Variants in SLCO1B1 observed in about 807,000 individuals in gnomAD.
SLCO1B1 encodes the protein OATP-2.
Under a neutral mutation model 70.1 loss-of-function variants are expected in SLCO1B1, and 81 were observed. The observed-to-expected ratio is 1.16, with a 90% CI of 0.97 to 1.39. SLCO1B1 has a LOEUF of 1.39. Ranked by LOEUF, SLCO1B1 falls within the 40% of genes most tolerant of loss-of-function variation. SLCO1B1 has a pLI of 0.00. For missense variants in SLCO1B1, 895 were observed against 799.6 expected (o/e 1.12, Z -1.44); for synonymous variants, 283 against 271.5 (o/e 1.04, Z -0.42).
intron 4 of SLCO1B1, 26 bp downstream of exon 4, chr12:21,174,735 T>C: frequency 7.3e-7 from 1 of 1,370,270 alleles, no homozygotes; most frequent in Non-Finnish European, 1.0e-6. Flanking sequence ...AAAAAAAACC[T>C]CTGTGCCACT....
At chr12:21,227,889 T>A (rs899461029) in intron 14 of SLCO1B1, among the ~76,000 whole-genome samples, 1 of 152,146 alleles carries the variant, frequency 6.6e-6, no homozygotes, top group Non-Finnish European at 1.5e-5. Context: ...ATATTTTATG[T>A]TAATTGATTT....
chr12:21,141,897 T>C (rs549684623), intron 2 of SLCO1B1, among the ~76,000 whole-genome samples: 1 of 151,974 alleles, frequency 6.6e-6, no homozygotes, highest in Admixed American at 6.6e-5. Flanking sequence ...AATTTAGAAA[T>C]ATTTTGATAG....
chr12:21,133,331 A>C (rs951978753), intron 1 of SLCO1B1, among the ~76,000 whole-genome samples: 2 of 152,108 alleles, frequency 1.3e-5, no homozygotes, highest in African/African-American at 4.8e-5. Flanking sequence ...TTTTGGTTCC[A>C]TATGAACTTT....
At chr12:21,219,978 C>G (rs1941403846) in intron 12 of SLCO1B1, among the ~76,000 whole-genome samples, 1 of 152,134 alleles carries the variant, frequency 6.6e-6, no homozygotes, top group Non-Finnish European at 1.5e-5. Context: ...CCAGGCTGGT[C>G]TCAAACTCCT....
intron 4 of SLCO1B1, among the ~76,000 whole-genome samples, chr12:21,175,605 C>T (rs1476203281): frequency 6.6e-6 from 1 of 152,030 alleles, no homozygotes; most frequent in Non-Finnish European, 1.5e-5. Flanking sequence ...ATTTGCTCAC[C>T]ATATTAAATC....
chr12:21,228,593 C>T (rs1432091808), intron 14 of SLCO1B1, among the ~76,000 whole-genome samples: 4 of 151,852 alleles, frequency 2.6e-5, no homozygotes, highest in African/African-American at 9.7e-5. Context: ...CCACAAATAT[C>T]CTAAAAAATA....
intron 14 of SLCO1B1, among the ~76,000 whole-genome samples, chr12:21,236,685 C>T (rs754339758): frequency 7.2e-5 from 11 of 152,122 alleles, no homozygotes; most frequent in African/African-American, 1.9e-4. Context: ...AGGCTTTTAC[C>T]GCTTTTCTTT....
At chr12:21,160,757 A>G (rs1235896916) in intron 2 of SLCO1B1, among the ~76,000 whole-genome samples, 2 of 152,098 alleles carry the variant, frequency 1.3e-5, no homozygotes, top group Non-Finnish European at 2.9e-5. Context: ...ATATTTACAA[A>G]TATGCATCTA....
At chr12:21,152,533 C>CTGTTTTTTTTTTTTTT (rs1940484981) in intron 2 of SLCO1B1, among the ~76,000 whole-genome samples, 1 of 34,356 alleles carries the variant, frequency 2.9e-5, no homozygotes, top group South Asian at 1.9e-3. Context: ...AGAGGAGAGG[C>CTGTTTTTTTTTTTTTT]TTTTTTTTTT....
chr12:21,194,563 G>T (rs1347946739), intron 7 of SLCO1B1, among the ~76,000 whole-genome samples: 4 of 151,938 alleles, frequency 2.6e-5, no homozygotes, highest in African/African-American at 9.7e-5. Context: ...TCTGCATTTT[G>T]GTCATAATCA....
At chr12:21,230,908 G>T (rs1469141780) in intron 14 of SLCO1B1, among the ~76,000 whole-genome samples, 1 of 151,760 alleles carries the variant, frequency 6.6e-6, no homozygotes, top group South Asian at 2.1e-4. Flanking sequence ...GTGCCATGTT[G>T]GTGTACTGCA....
rs1302993033 is a variant in SLCO1B1 at position 21,206,051 on chromosome 12, C to T, written c.1497+18C>T. 1 of 1,597,722 alleles carries T rather than the reference C, an allele frequency of 6.3e-7. No individual in the cohort carries two copies. The highest frequency in any genetic ancestry group is 2.2e-5 in the East Asian group (1 of 44,690). On this transcript the variant is annotated intron_variant, in intron 11 of 14. Coordinates refer to ENST00000256958, the MANE Select transcript of SLCO1B1 (RefSeq NM_006446.5). Reference sequence around the variant, plus strand: ...AGCCTATAGTGAGTATTAGTTTTTACTTTCCTCTCCTTATTCAAAAGCACA... The same window carrying T: ...AGCCTATAGTGAGTATTAGTTTTTATTTTCCTCTCCTTATTCAAAAGCACA...
At chr12:21,164,713 C>T in intron 2 of SLCO1B1, 1 of 434,620 alleles carries the variant, frequency 2.3e-6, no homozygotes, top group South Asian at 1.7e-5. Flanking sequence ...TCATGTGCTT[C>T]CTATTTTGTT....
At chr12:21,141,907 G>A (rs1478749796) in intron 2 of SLCO1B1, among the ~76,000 whole-genome samples, 1 of 151,580 alleles carries the variant, frequency 6.6e-6, no homozygotes. Flanking sequence ...TATTTTGATA[G>A]CTTCTCTTTG....
At chr12:21,179,051 A>C in intron 7 of SLCO1B1, 31 bp downstream of exon 7, 1 of 1,395,354 alleles carries the variant, frequency 7.2e-7, no homozygotes, top group Non-Finnish European at 1.0e-6. Flanking sequence ...GTACCATGAT[A>C]ACGTCTTTCT....
At chr12:21,179,060 C>A in intron 7 of SLCO1B1, 40 bp downstream of exon 7, 1 of 1,246,636 alleles carries the variant, frequency 8.0e-7, no homozygotes, top group Non-Finnish European at 1.2e-6. Flanking sequence ...TAACGTCTTT[C>A]TAAGCACACA....
At chr12:21,155,629 A>C (rs1940533006) in intron 2 of SLCO1B1, among the ~76,000 whole-genome samples, 1 of 152,172 alleles carries the variant, frequency 6.6e-6, no homozygotes, top group Non-Finnish European at 1.5e-5. Flanking sequence ...GCACAGGGGA[A>C]GAGCTAAAGG....
intron 1 of SLCO1B1, among the ~76,000 whole-genome samples, chr12:21,133,551 C>G (rs1368843566): frequency 2.0e-5 from 3 of 151,970 alleles, no homozygotes; most frequent in Non-Finnish European, 4.4e-5. Flanking sequence ...CCTTCACATC[C>G]CTTGTAAGTT....
intron 2 of SLCO1B1, among the ~76,000 whole-genome samples, chr12:21,154,323 G>C (rs1056830643): frequency 6.6e-6 from 1 of 152,028 alleles, no homozygotes; most frequent in African/African-American, 2.4e-5. Flanking sequence ...GTGTCCTTAT[G>C]AAAGAGACCC....
Sources: allele counts gnomAD v4.1 joint callset (sites outside exome capture counted in the v4.1 genomes callset), GRCh38; gene constraint gnomAD v4.1.1; transcripts MANE v1.5; gene names NCBI Gene and HGNC (gene_info 2026-07-23, HGNC 2026-07-21).